The following NCAPD3 variants were observed in gnomAD, a reference collection of about 807,000 sequenced individuals.
NCAPD3 encodes the protein non-SMC condensin II complex subunit D3.
NCAPD3 carries 105 observed loss-of-function variants against 182.9 expected under a neutral mutation model. The ratio of observed to expected loss-of-function variants is 0.57; its 90% CI spans 0.49 to 0.68. The LOEUF (loss-of-function observed/expected upper bound fraction) is 0.68, where lower values mean the gene tolerates loss of function less well. Among genes scored for constraint, NCAPD3 ranks in the 30% least tolerant of loss-of-function variants. NCAPD3 has a pLI of 0.00. For synonymous variants in NCAPD3, 815 were observed against 679.9 expected, an observed-to-expected ratio of 1.20 and a Z score of -3.09; for missense variants, 1,944 against 1,837.0, an observed-to-expected ratio of 1.06 and a Z score of -1.07.
intron 27 of NCAPD3, among the ~76,000 whole-genome samples, chr11:134,164,443 C>T (rs1338181607): frequency 6.6e-6 from 1 of 152,206 alleles, no homozygotes; most frequent in African/African-American, 2.4e-5. Flanking sequence ...CACCATCTGG[C>T]AAGAGTTAAA....
rs896409 is a variant in NCAPD3 at position 134,204,018 on chromosome 11, C to G, written c.1215+28G>C. On this transcript the variant is annotated intron_variant, in intron 10 of 34. Coordinates refer to ENST00000534548, the MANE Select transcript of NCAPD3 (RefSeq NM_015261.3). This position sits in a 1 kb window ranked among gnomAD's most constrained non-coding sequence, Gnocchi z 4.3. The stretch of plus-strand genomic sequence containing the variant: ...TTTTAAAAAGAGTTTAAAAAGGACC[C>G]AAGGTTTTATGCAGAGCTATCTCCT... 2.1e-5 allele frequency: 33 copies of G among 1,609,284 alleles called. No individual in the cohort carries two copies. Among genetic ancestry groups the G allele is most frequent in the Non-Finnish European group, 2.7e-5 (32 of 1,178,168 alleles).
intron 28 of NCAPD3, among the ~76,000 whole-genome samples, chr11:134,160,786 G>T (rs1014660843): frequency 1.3e-5 from 2 of 152,126 alleles, no homozygotes; most frequent in Non-Finnish European, 2.9e-5. Flanking sequence ...CACTTTTCCA[G>T]CTGCCACTAG....
chr11:134,193,017 C>G, intron 15 of NCAPD3, 108 bp from the exon 16 acceptor site: 1 of 656,276 alleles, frequency 1.5e-6, no homozygotes, highest in African/African-American at 1.8e-5. Context: ...TGCAAATAGA[C>G]CATAGAGTGA....
chr11:134,181,224 A>G (rs201894211), intron 19 of NCAPD3, 40 bp from the exon 20 acceptor site: 1 of 1,354,634 alleles, frequency 7.4e-7, no homozygotes, highest in Non-Finnish European at 1.1e-6. Flanking sequence ...GGCCCCGCAC[A>G]TCTCCCAGAC....
chr11:134,183,702 T>A (rs1944343344), intron 19 of NCAPD3, among the ~76,000 whole-genome samples: 1 of 152,208 alleles, frequency 6.6e-6, no homozygotes, highest in South Asian at 2.1e-4. Flanking sequence ...CCAGGCACCA[T>A]TTCATAAGAA....
chr11:134,205,816 A>G (rs1228185275), intron 8 of NCAPD3, among the ~76,000 whole-genome samples: 1 of 152,246 alleles, frequency 6.6e-6, no homozygotes, highest in Non-Finnish European at 1.5e-5. Context: ...CACTTAAAAC[A>G]TTTTAGTTAC....
chr11:134,176,424 A>G, intron 23 of NCAPD3, 38 bp from the exon 24 acceptor site: 1 of 1,571,928 alleles, frequency 6.4e-7, no homozygotes, highest in Non-Finnish European at 8.8e-7. Flanking sequence ...AGAGTGCGTC[A>G]TCATGGGCAA....
intron 27 of NCAPD3, among the ~76,000 whole-genome samples, chr11:134,166,108 CACTA>C (rs200836361): frequency 6.5e-5 from 1 of 15,380 alleles, no homozygotes; most frequent in Non-Finnish European, 1.4e-4. Flanking sequence ...GGGGCACACT[CACTA>C]GTGAGATGAG....
chr11:134,177,788 A>G (rs548679825), intron 22 of NCAPD3: 64 of 297,356 alleles, frequency 2.2e-4, no homozygotes, highest in African/African-American at 1.3e-3. Context: ...GAGGTGAAAC[A>G]TTTTACTCCT....
chr11:134,165,295 TAGGG>T (rs1943740810), intron 27 of NCAPD3, among the ~76,000 whole-genome samples: 1 of 144,362 alleles, frequency 6.9e-6, no homozygotes, highest in African/African-American at 2.6e-5. Context: ...GAGATGAACT[TAGGG>T]AAGCTGCACA....
intron 12 of NCAPD3, 69 bp from the exon 13 acceptor site, chr11:134,202,974 G>A: frequency 7.6e-7 from 1 of 1,317,438 alleles, no homozygotes; most frequent in Non-Finnish European, 1.1e-6. Flanking sequence ...AGCAGGGCAT[G>A]TTACTCATTT....
rs192109850 is a variant in NCAPD3, at chr11:134,205,623, C to T, written c.1017-652G>A. On this transcript the variant is annotated intron_variant, in intron 8 of 34. Transcript: ENST00000534548. The stretch of plus-strand genomic sequence containing the variant: ...AACTCCTGACCTCAGGTGATCCGCC[C>T]GCCTCGGCCTCCCAAAGTGCTGGGA... 4.2e-3 allele frequency among the ~76,000 whole-genome samples: 636 copies of T among 152,150 alleles called. 4 individuals are homozygous for T. The highest frequency in any genetic ancestry group is 0.015 in the African/African-American group (608 of 41,512).
chr11:134,161,141 G>C (rs1565519055), intron 28 of NCAPD3, among the ~76,000 whole-genome samples: 1 of 151,864 alleles, frequency 6.6e-6, no homozygotes, highest in Non-Finnish European at 1.5e-5. Flanking sequence ...ATTTTTTTGA[G>C]GAAGAAAAAC....
intron 28 of NCAPD3, among the ~76,000 whole-genome samples, chr11:134,160,758 A>G (rs1469737263): frequency 1.3e-5 from 2 of 152,164 alleles, no homozygotes; most frequent in African/African-American, 4.8e-5. Context: ...AAGTCTCAAC[A>G]AAGAGAAGGA....
chr11:134,169,158 G>T, intron 24 of NCAPD3, 104 bp from the exon 25 acceptor site: 2 of 1,150,662 alleles, frequency 1.7e-6, no homozygotes, highest in Non-Finnish European at 2.4e-6. Flanking sequence ...GTACATAAGC[G>T]TAGGGATTCA....
At chr11:134,163,437 T>C (rs960714003) in intron 27 of NCAPD3, among the ~76,000 whole-genome samples, 3 of 152,054 alleles carry the variant, frequency 2.0e-5, no homozygotes, top group Non-Finnish European at 4.4e-5. Context: ...TGGTGGCTCA[T>C]GCCTGTAATC....
At chr11:134,168,277 G>A (rs767952052) in intron 26 of NCAPD3, 82 bp from the exon 27 acceptor site, 3 of 1,467,634 alleles carry the variant, frequency 2.0e-6, no homozygotes, top group Non-Finnish European at 1.9e-6. Flanking sequence ...CACAACTGGG[G>A]GGCCATCTGA....
chr11:134,203,827 G>A lies in NCAPD3; in HGVS notation c.1295C>T (p.Ser432Phe), dbSNP rs751531868. The A allele has an allele frequency of 1.9e-6, 3 of 1,614,036 alleles. No homozygotes were observed. In the African/African-American group the frequency reaches 4.0e-5, roughly 22 times the overall value. ...CTTTAAGAACTTCTGATGCTCCAAG[G>A]AGAGGGTGTTATCCACCTCTCTTTC... is the stretch of plus-strand genomic sequence containing the variant. ...LPEREVDNTL[S>F]LEHQKFLKHK... Residue 432 changes from serine to phenylalanine, a missense_variant, in exon 11 of 35, where the codon TCC (serine) becomes TTC (phenylalanine). Around this residue, in one of 3 missense-constraint regions of NCAPD3, gnomAD observed 1,803 missense variants for 1,674.6 expected, o/e 1.08. Transcript: ENST00000534548.
In NCAPD3 at chr11:134,161,786, G is replaced by A; in HGVS notation, c.3679C>T (p.Leu1227Phe). ...IPALRELMHY[L>F]REVMQDYRDE... ...AGCACAGGCTCCACCCTTACCCTGAGATAGTGCATGAGTTCCCGCAAAGCT... is the reference window on the plus strand; with the variant it reads ...AGCACAGGCTCCACCCTTACCCTGAAATAGTGCATGAGTTCCCGCAAAGCT... Residue 1227 changes from leucine to phenylalanine, a missense_variant, in exon 28 of 35, where the codon CTC becomes TTC. By Grantham distance (22) the Leu-to-Phe change is conservative. Coordinates refer to ENST00000534548, the MANE Select transcript of NCAPD3 (RefSeq NM_015261.3). The A allele has an allele frequency of 1.3e-6, 2 of 1,549,132 alleles. No homozygotes were observed. The highest frequency in any genetic ancestry group is 1.8e-6 in the Non-Finnish European group (2 of 1,124,822).
Sources: allele counts gnomAD v4.1 joint callset (sites outside exome capture counted in the v4.1 genomes callset), GRCh38; gene constraint gnomAD v4.1.1; regional missense constraint gnomAD v4.1.1; non-coding constraint Gnocchi (gnomAD v3.1); transcripts MANE v1.5; gene names NCBI Gene and HGNC (gene_info 2026-07-23, HGNC 2026-07-21).